Variants in MALRD1 observed in about 807,000 individuals in gnomAD.
The protein encoded by MALRD1 is MAM and LDL receptor class A domain containing 1, also known as MAM and LDL-receptor class A domain-containing protein 1.
In MALRD1, 247 loss-of-function variants were observed where a neutral mutation model predicts 242.1. That is an observed-to-expected ratio of 1.02 (90% CI 0.92 to 1.13). The LOEUF (loss-of-function observed/expected upper bound fraction) is 1.13. Among genes scored for constraint, MALRD1 ranks in the 50% most tolerant of loss-of-function variants. The probability of loss-of-function intolerance (pLI) is 0.00; values close to 1 mark genes in which losing one functional copy is unlikely to be tolerated. For missense variants in MALRD1, 2,989 were observed against 2,533.1 expected, an observed-to-expected ratio of 1.18 and a Z score of -3.86; for synonymous variants, 995 against 866.6, an observed-to-expected ratio of 1.15 and a Z score of -2.60.
At chr10:19,166,096 G>A (rs1834675087) in intron 13 of MALRD1, among the ~76,000 whole-genome samples, 2 of 152,220 alleles carry the variant, frequency 1.3e-5, no homozygotes, top group South Asian at 2.1e-4. Flanking sequence ...TAAGACATGT[G>A]TAGAATAGTA....
intron 28 of MALRD1, among the ~76,000 whole-genome samples, chr10:19,394,298 A>G (rs138824718): frequency 1.3e-5 from 2 of 152,204 alleles, no homozygotes; most frequent in Admixed American, 1.3e-4. Context: ...GTAAGAGGTT[A>G]TATTTCTTGC....
chr10:19,475,880 T>C (rs1174565501), intron 29 of MALRD1, among the ~76,000 whole-genome samples: 12 of 152,224 alleles, frequency 7.9e-5, no homozygotes, highest in Admixed American at 7.9e-4. Context: ...ATTAATGTTA[T>C]CAAAATCAAA....
At chr10:19,348,655 A>G (rs1013386518) in intron 25 of MALRD1, among the ~76,000 whole-genome samples, 1 of 152,150 alleles carries the variant, frequency 6.6e-6, no homozygotes, top group African/African-American at 2.4e-5. Flanking sequence ...GCAGCCTCAT[A>G]CGATAACTAT....
In MALRD1 at chr10:19,324,055, A is replaced by C. The variant is rs923700198; in HGVS notation, c.3526A>C (p.Thr1176Pro). Residue 1176 changes from threonine to proline, a missense_variant, in exon 22 of 40, where the codon ACC becomes CCC. Physicochemically the swap from Thr to Pro is conservative, Grantham distance 38. Coordinates refer to ENST00000454679, the MANE Select transcript of MALRD1 (RefSeq NM_001142308.3). ...PIISLTGPKC[T>P]LVFWTHMNGA... ...CATTTCACTCACGGGACCAAAATGTACCTTGGTGTTCTGGACACATATGAA... is the reference window on the plus strand; with the variant it reads ...CATTTCACTCACGGGACCAAAATGTCCCTTGGTGTTCTGGACACATATGAA... The C allele has an allele frequency of 6.4e-7, 1 of 1,550,590 alleles. No homozygotes were observed. The highest frequency in any genetic ancestry group is 1.4e-5 in the African/African-American group (1 of 73,148).
intron 32 of MALRD1, among the ~76,000 whole-genome samples, chr10:19,552,275 A>AT (rs1835509564): frequency 1.3e-5 from 2 of 152,052 alleles, no homozygotes; most frequent in Admixed American, 1.3e-4. Flanking sequence ...AGAACTCGTT[A>AT]TTGGCCTGTT....
chr10:19,712,762 A>C (rs1471144934), intron 38 of MALRD1, among the ~76,000 whole-genome samples: 1 of 152,206 alleles, frequency 6.6e-6, no homozygotes, highest in Non-Finnish European at 1.5e-5. Context: ...GGACCTTTCC[A>C]ACTGTGGAAA....
chr10:19,463,109 C>T (rs1177062934), intron 29 of MALRD1, among the ~76,000 whole-genome samples: 2 of 151,956 alleles, frequency 1.3e-5, no homozygotes, highest in African/African-American at 2.4e-5. Flanking sequence ...GTATAGAGAA[C>T]CAATAGCCTA....
intron 28 of MALRD1, among the ~76,000 whole-genome samples, chr10:19,430,918 C>T (rs180999551): frequency 3.3e-4 from 50 of 152,142 alleles, no homozygotes; most frequent in Admixed American, 7.9e-4. Flanking sequence ...AGACTTGATG[C>T]GCCATATATG....
At chr10:19,680,627 C>G (rs944484789) in intron 36 of MALRD1, among the ~76,000 whole-genome samples, 1 of 151,998 alleles carries the variant, frequency 6.6e-6, no homozygotes, top group Non-Finnish European at 1.5e-5. Context: ...GGGCATTTAG[C>G]TGATTTATAT....
chr10:19,450,908 C>T (rs531695338), intron 29 of MALRD1, among the ~76,000 whole-genome samples: 10 of 152,130 alleles, frequency 6.6e-5, no homozygotes, highest in Non-Finnish European at 1.5e-4. Context: ...TATAAGGGCA[C>T]TAATCCCATT....
At chr10:19,151,984 T>G (rs1043464919) in intron 11 of MALRD1, among the ~76,000 whole-genome samples, 13 of 152,280 alleles carry the variant, frequency 8.5e-5, no homozygotes, top group African/African-American at 3.1e-4. Context: ...CGTAAGGTGT[T>G]ACTTCTAGGC....
intron 36 of MALRD1, among the ~76,000 whole-genome samples, chr10:19,648,800 G>A (rs1840751997): frequency 6.6e-6 from 1 of 152,128 alleles, no homozygotes; most frequent in South Asian, 2.1e-4. Flanking sequence ...ATAGGTAAAT[G>A]TGTGTCATGG....
At chr10:19,498,297 A>G (rs1264023085) in intron 30 of MALRD1, among the ~76,000 whole-genome samples, 188 bp from the exon 31 acceptor site, 2 of 152,246 alleles carry the variant, frequency 1.3e-5, no homozygotes, top group East Asian at 3.8e-4. Flanking sequence ...ATAAGTGACA[A>G]CATTCATACA....
At chr10:19,385,906 T>G (rs560820094) in intron 26 of MALRD1, among the ~76,000 whole-genome samples, 1 of 152,204 alleles carries the variant, frequency 6.6e-6, no homozygotes, top group Non-Finnish European at 1.5e-5. Flanking sequence ...ATCTCACAAG[T>G]TTTGCTCTGT....
chr10:19,581,558 T>C (rs1440860566), intron 33 of MALRD1, among the ~76,000 whole-genome samples: 2 of 150,298 alleles, frequency 1.3e-5, no homozygotes, highest in Non-Finnish European at 3.0e-5. Flanking sequence ...CTCATCATTT[T>C]TTATGGCTGC....
In MALRD1 at chr10:19,394,381, C is replaced by T. The variant is rs941321665; in HGVS notation, c.4845+4772C>T. ...TTTTTCTGAATTCTAACTTAAGGCT[C>T]TTCTACATGTCTTCCTAGAAATTTT... is the stretch of plus-strand genomic sequence containing the variant. On this transcript the variant is annotated intron_variant, in intron 28 of 39. Coordinates refer to ENST00000454679, the MANE Select transcript of MALRD1 (RefSeq NM_001142308.3). Among the ~76,000 whole-genome samples the T allele has an allele frequency of 3.3e-5, 5 of 152,110 alleles. No homozygotes were observed. In the East Asian group the frequency reaches 9.7e-4, roughly 29 times the overall value.
intron 36 of MALRD1, among the ~76,000 whole-genome samples, chr10:19,626,896 T>G (rs2131637564): frequency 6.6e-6 from 1 of 152,140 alleles, no homozygotes; most frequent in Admixed American, 6.5e-5. Context: ...GTTGGAAAAA[T>G]AAATAAAACT....
chr10:19,235,982 T>C (rs1838301202), intron 18 of MALRD1, among the ~76,000 whole-genome samples: 1 of 152,130 alleles, frequency 6.6e-6, no homozygotes, highest in South Asian at 2.1e-4. Flanking sequence ...AAGAAATATT[T>C]AAGATAATAA....
chr10:19,256,301 C>T (rs576835232), intron 18 of MALRD1, among the ~76,000 whole-genome samples: 1 of 152,104 alleles, frequency 6.6e-6, no homozygotes, highest in Non-Finnish European at 1.5e-5. Flanking sequence ...GTTCACCCAA[C>T]TCTATTTTTA....
Sources: gnomAD v4.1 joint callset for allele counts (sites outside exome capture counted in the v4.1 genomes callset) on GRCh38, gnomAD v4.1.1 for gene constraint, MANE v1.5 for transcripts, NCBI Gene and HGNC (gene_info 2026-07-23, HGNC 2026-07-21) for gene names.